PAMR1: variants seen among roughly 807,000 people sequenced by gnomAD.
PAMR1 encodes inactive serine protease PAMR1.
In PAMR1, 88 loss-of-function variants were observed where a neutral mutation model predicts 81.8. The ratio of observed to expected loss-of-function variants is 1.08; its 90% confidence interval spans 0.91 to 1.28. The LOEUF is 1.28. Among genes scored for constraint, PAMR1 ranks in the 50% most tolerant of loss-of-function variants. PAMR1 has a pLI of 0.00. For synonymous variants in PAMR1, 336 were observed against 345.3 expected (o/e 0.97, Z 0.30); for missense variants, 935 against 919.7 (o/e 1.02, Z -0.21).
At chr11:35,447,081 T>C (rs1387718240) in intron 6 of PAMR1, among the ~76,000 whole-genome samples, 1 of 152,210 alleles carries the variant, frequency 6.6e-6, no homozygotes, top group African/African-American at 2.4e-5. Context: ...TTTATGATTA[T>C]ATAATGCCCT....
At chr11:35,514,173 G>GA (rs1223884088) in intron 1 of PAMR1, among the ~76,000 whole-genome samples, 1 of 152,208 alleles carries the variant, frequency 6.6e-6, no homozygotes, top group Non-Finnish European at 1.5e-5. Flanking sequence ...ACAGGGATGA[G>GA]ATTGTTGATG....
chr11:35,516,882 G>C (rs7932452), intron 1 of PAMR1, among the ~76,000 whole-genome samples: 29,798 of 152,136 alleles, frequency 0.2, 3,044 homozygotes, highest in East Asian at 0.28. Flanking sequence ...GGTAGAAACA[G>C]TGACAATGCA....
At chr11:35,456,310 C>A (rs920793155) in intron 6 of PAMR1, among the ~76,000 whole-genome samples, 2 of 152,002 alleles carry the variant, frequency 1.3e-5, no homozygotes, top group Non-Finnish European at 2.9e-5. Context: ...ACTAGCCAAC[C>A]CCAGAAGTTG....
chr11:35,520,416 T>C (rs368024844), intron 1 of PAMR1, among the ~76,000 whole-genome samples: 1 of 152,206 alleles, frequency 6.6e-6, no homozygotes, highest in Non-Finnish European at 1.5e-5. Flanking sequence ...ATTTTTTACT[T>C]CTTTCTCTTC....
At chr11:35,461,736 T>A (rs1856659563) in intron 6 of PAMR1, among the ~76,000 whole-genome samples, 2 of 152,242 alleles carry the variant, frequency 1.3e-5, no homozygotes, top group South Asian at 4.2e-4. Flanking sequence ...ATGGCATCCC[T>A]CTGAACACAC....
At position 35,441,583 on chromosome 11, in the gene PAMR1, C is replaced by G. The variant is rs777146563; in HGVS notation, c.931G>C (p.Val311Leu). The change falls in exon 7 of 11, where the codon GTG becomes CTG. Residue 311 changes from valine (V) to leucine (L), a missense_variant. By Grantham distance (32) the Val-to-Leu change is conservative. Coordinates refer to ENST00000619888, the MANE Select transcript of PAMR1 (RefSeq NM_001001991.3). ...NGRHAKIGTVVSFFCNNSYVL... is the reference protein window; with the variant it reads ...NGRHAKIGTVLSFFCNNSYVL... ...TAGGAGTTGTTACAAAAGAAAGACA[C>G]CACGGTGCCAATTTTAGCATGGCGT... 6.2e-7 allele frequency: 1 copy of G among 1,613,886 alleles called. No individual in the cohort carries two copies. Among genetic ancestry groups the G allele is most frequent in the African/African-American group, 1.3e-5 (1 of 74,910 alleles).
chr11:35,449,154 C>A (rs79242196), intron 6 of PAMR1, among the ~76,000 whole-genome samples: 1 of 152,218 alleles, frequency 6.6e-6, no homozygotes, highest in African/African-American at 2.4e-5. Context: ...AATCTGGCTG[C>A]CCCTTGGCAG....
intron 3 of PAMR1, among the ~76,000 whole-genome samples, chr11:35,478,640 G>C (rs1359726082): frequency 6.6e-6 from 1 of 152,102 alleles, no homozygotes; most frequent in African/African-American, 2.4e-5. Context: ...TGGGTGCAGG[G>C]GCAGCCTGAC....
chr11:35,524,152 C>T (rs1191575967), intron 1 of PAMR1, among the ~76,000 whole-genome samples: 1 of 152,038 alleles, frequency 6.6e-6, no homozygotes, highest in Non-Finnish European at 1.5e-5. Flanking sequence ...CAAAGTCACC[C>T]ACTTACCCCT....
chr11:35,464,914 C>T (rs562066925), intron 6 of PAMR1, among the ~76,000 whole-genome samples: 27 of 152,134 alleles, frequency 1.8e-4, no homozygotes, highest in Non-Finnish European at 2.8e-4. Context: ...AGAGTCTGTA[C>T]ATCGGAATTC....
At chr11:35,471,288 G>A (rs1850176013) in intron 4 of PAMR1, among the ~76,000 whole-genome samples, 1 of 152,108 alleles carries the variant, frequency 6.6e-6, no homozygotes, top group South Asian at 2.1e-4. Flanking sequence ...GTGTCTATGT[G>A]TGGCCTGTCT....
chr11:35,525,487 G>A (rs572508302), intron 1 of PAMR1, 26 bp downstream of exon 1: 1 of 1,602,850 alleles, frequency 6.2e-7, no homozygotes, highest in East Asian at 2.2e-5. Flanking sequence ...GTCCTCCTAG[G>A]GTGTCCCGGA....
chr11:35,437,659 G>C (rs997119156), intron 8 of PAMR1, among the ~76,000 whole-genome samples: 7 of 152,234 alleles, frequency 4.6e-5, no homozygotes, highest in African/African-American at 1.7e-4. Flanking sequence ...TTAAAACCAA[G>C]TTTCAGCCTT....
rs149699546 is a variant in PAMR1 at position 35,435,805 on chromosome 11, C to T, written c.1333+98G>A. 96 of 846,968 alleles carry T rather than the reference C, an allele frequency of 1.1e-4. No individual in the cohort carries two copies. The African/African-American group carries it at 1.3e-3, about 12-fold the overall frequency. 52.5% of individuals were successfully genotyped at this position (846,968 alleles called of 1,614,324 possible). A position where few individuals can be genotyped will look rare whatever the true frequency, so the allele number is the denominator to read the frequency against. On this transcript the variant is annotated intron_variant, in intron 9 of 10. Transcript: ENST00000619888. Reference sequence around the variant, plus strand: ...TCAGATATCACCAAACTAGAGAAAGCACTGGAGATGCTCTCCCAAAAAGTA... The same window carrying T: ...TCAGATATCACCAAACTAGAGAAAGTACTGGAGATGCTCTCCCAAAAAGTA...
upstream of PAMR1, among the ~76,000 whole-genome samples, chr11:35,526,946 GC>G (rs1353818094): frequency 5.9e-5 from 9 of 152,184 alleles, no homozygotes; most frequent in African/African-American, 2.2e-4. Flanking sequence ...TGAGCTCAAA[GC>G]AAAGTCTCGG....
upstream of PAMR1, among the ~76,000 whole-genome samples, chr11:35,526,630 A>G (rs1257656147): frequency 6.6e-6 from 1 of 152,270 alleles, no homozygotes; most frequent in African/African-American, 2.4e-5. Context: ...CCAAGGCCAC[A>G]CAGTTAGTGA....
intron 3 of PAMR1, 55 bp from the exon 4 acceptor site, chr11:35,474,799 C>A: frequency 8.4e-7 from 1 of 1,193,150 alleles, no homozygotes; most frequent in Non-Finnish European, 1.2e-6. Flanking sequence ...AGGAAAGAGA[C>A]TAGAGAAGGT....
intron 1 of PAMR1, 48 bp downstream of exon 1, chr11:35,525,465 C>A: frequency 1.3e-6 from 2 of 1,499,512 alleles, no homozygotes; most frequent in Non-Finnish European, 1.8e-6. Context: ...GGAAAATGCT[C>A]CCTCCTAGGG....
chr11:35,472,566 A>C (rs1402383960), intron 4 of PAMR1, among the ~76,000 whole-genome samples: 2 of 152,246 alleles, frequency 1.3e-5, no homozygotes, highest in African/African-American at 4.8e-5. Flanking sequence ...AGGTAAGAGC[A>C]TAAAAAGTGA....
Sources: gnomAD v4.1 joint callset for allele counts (sites outside exome capture counted in the v4.1 genomes callset) on GRCh38, gnomAD v4.1.1 for gene constraint, MANE v1.5 for transcripts, NCBI Gene and HGNC (gene_info 2026-07-23, HGNC 2026-07-21) for gene names.